ARMC12: variants seen among roughly 807,000 people sequenced by gnomAD.
ARMC12 encodes the protein armadillo repeat containing 12, also known as armadillo repeat-containing protein 12.
A neutral mutation model predicts 37.4 loss-of-function variants in ARMC12; 25 were observed. The ratio of observed to expected loss-of-function variants is 0.67; its 90% CI spans 0.49 to 0.93. The LOEUF (loss-of-function observed/expected upper bound fraction) is 0.93. Ranked by LOEUF, ARMC12 falls within the 40% of genes least tolerant of loss-of-function variation. The probability of loss-of-function intolerance (pLI) is 0.00; values close to 1 mark genes in which losing one functional copy is unlikely to be tolerated. For missense variants in ARMC12, 384 were observed against 426.6 expected (o/e 0.90, Z 0.88); for synonymous variants, 167 against 176.1 (o/e 0.95, Z 0.41).
chr6:35,740,651 C>T (rs114498464), intron 3 of ARMC12, among the ~76,000 whole-genome samples: 3 of 152,198 alleles, frequency 2.0e-5, no homozygotes, highest in South Asian at 4.1e-4. Flanking sequence ...CTGCCTCCCC[C>T]ACCAGAGGCA....
At chr6:35,738,267 T>A in intron 2 of ARMC12, 95 bp downstream of exon 2, 2 of 879,096 alleles carry the variant, frequency 2.3e-6, no homozygotes, top group Non-Finnish European at 3.4e-6. Flanking sequence ...TCCTGGGACC[T>A]CTCTCTGGCT....
chr6:35,746,428 T>C (rs1767339565), intron 3 of ARMC12, among the ~76,000 whole-genome samples: 1 of 152,142 alleles, frequency 6.6e-6, no homozygotes, highest in African/African-American at 2.4e-5. Flanking sequence ...GCAGATCACA[T>C]TGGACCGTAT....
At chr6:35,731,609 G>A in the ARMC12 span, among the ~76,000 whole-genome samples, 1 of 152,104 alleles carries the variant, frequency 6.6e-6, no homozygotes, top group Non-Finnish European at 1.5e-5. Context: ...GACCGTACTC[G>A]CCTCCCGCCG....
chr6:35,734,958 T>G (rs1766922761), upstream of ARMC12: 1 of 152,212 alleles, frequency 6.6e-6, no homozygotes, highest in Non-Finnish European at 1.5e-5. Flanking sequence ...CTGCCTCTAA[T>G]CTCTCTGAAT....
In ARMC12 at chr6:35,738,394, G is replaced by A. The variant is rs750296478; in HGVS notation, c.320G>A (p.Cys107Tyr). Residue 107 changes from cysteine to tyrosine, a missense_variant, in exon 3 of 6, where the codon TGT (cysteine) becomes TAT (tyrosine). Cys to Tyr is a radical substitution (Grantham distance 194). Coordinates refer to ENST00000373866, the MANE Select transcript of ARMC12 (RefSeq NM_001286574.2). ...VYLLEAEASA[C>Y]TTDDIVLLGY... ...TCCCCAATACTCCAGGCCTCTGCTT[G>A]TACTACGGATGACATCGTGTTGCTG... 2 of 1,612,774 alleles carry A rather than the reference G, an allele frequency of 1.2e-6. No homozygotes were observed. The highest frequency in any genetic ancestry group is 1.3e-5 in the African/African-American group (1 of 74,522).
intron 3 of ARMC12, among the ~76,000 whole-genome samples, chr6:35,739,107 G>A (rs910422017): frequency 6.6e-6 from 1 of 152,164 alleles, no homozygotes; most frequent in African/African-American, 2.4e-5. Context: ...CATAGGGCAG[G>A]GTGTCAGGGC....
At chr6:35,740,847 C>G (rs1767140560) in intron 3 of ARMC12, among the ~76,000 whole-genome samples, 1 of 151,522 alleles carries the variant, frequency 6.6e-6, no homozygotes, top group Non-Finnish European at 1.5e-5. Context: ...GCCTTTTCTC[C>G]CTGCTACGTG....
Position 35,747,364 on chromosome 6 carries a change from T to A in ARMC12, c.548T>A (p.Val183Glu). Residue 183 changes from valine to glutamate, a missense_variant, in exon 4 of 6, where the codon GTG becomes GAG. Transcript: ENST00000373866. ...LLNNLPLPDY[V>E]HPQLRRVMPA... Reference sequence around the variant, plus strand: ...AACAACCTTCCACTGCCCGACTATGTGCATCCACAGCTGCGACGGGTGATG... The same window carrying A: ...AACAACCTTCCACTGCCCGACTATGAGCATCCACAGCTGCGACGGGTGATG... The A allele has an allele frequency of 1.9e-6, 3 of 1,614,192 alleles. No individual in the cohort carries two copies.
Position 35,738,396 on chromosome 6 carries a change from A to G in ARMC12, c.322A>G (p.Thr108Ala), listed in dbSNP as rs747130733. The stretch of plus-strand genomic sequence containing the variant: ...CCCAATACTCCAGGCCTCTGCTTGT[A>G]CTACGGATGACATCGTGTTGCTGGG... ...YLLEAEASAC[T>A]TDDIVLLGYM... The change falls in exon 3 of 6, where the codon ACT becomes GCT. Residue 108 changes from threonine (T) to alanine (A), a missense_variant. Transcript: ENST00000373866. 1.2e-6 allele frequency: 2 copies of G among 1,612,602 alleles called. No individual in the cohort carries two copies. The highest frequency in any genetic ancestry group is 1.7e-6 in the Non-Finnish European group (2 of 1,179,850).
upstream of ARMC12, among the ~76,000 whole-genome samples, chr6:35,733,592 T>C (rs1380488438): frequency 6.6e-6 from 1 of 152,172 alleles, no homozygotes; most frequent in African/African-American, 2.4e-5. Context: ...CACTGCAACC[T>C]CCGCCTCCCG....
rs764621381 is a variant in ARMC12, at chr6:35,747,615, A to G, written c.658A>G (p.Asn220Asp). The G allele has an allele frequency of 6.2e-7, 1 of 1,614,252 alleles. No homozygotes were observed. Among genetic ancestry groups the G allele is most frequent in the South Asian group, 1.1e-5 (1 of 91,086 alleles). ...ACTGCTGAGCTACCTGGCACAGAAG[A>G]ATGACCTTCTCTATGACATTCTCAA... ...VRLLSYLAQK[N>D]DLLYDILNCQ... The change falls in exon 5 of 6, where the codon AAT (asparagine) becomes GAT (aspartate). Residue 220 changes from asparagine (N) to aspartate (D), a missense_variant. Coordinates refer to ENST00000373866, the MANE Select transcript of ARMC12 (RefSeq NM_001286574.2).
upstream of ARMC12, chr6:35,736,874 T>C (rs1766979658): frequency 1.7e-6 from 1 of 591,088 alleles, no homozygotes; most frequent in South Asian, 2.0e-5. Context: ...CCTCCCAAAG[T>C]GCTGGGATTA....
intron 1 of ARMC12, 142 bp downstream of exon 1, chr6:35,737,413 C>A: frequency 6.2e-7 from 1 of 1,601,716 alleles, no homozygotes; most frequent in Non-Finnish European, 8.5e-7. Flanking sequence ...TCAAGCCCAC[C>A]CTGCAGCGTC....
intron 3 of ARMC12, among the ~76,000 whole-genome samples, chr6:35,745,498 A>G (rs1205813322): frequency 2.6e-5 from 4 of 152,154 alleles, no homozygotes; most frequent in African/African-American, 9.7e-5. Context: ...GTGAGTCTAA[A>G]GGGGTCTCTT....
intron 3 of ARMC12, among the ~76,000 whole-genome samples, chr6:35,745,245 T>C (rs1460605262): frequency 6.6e-6 from 1 of 152,120 alleles, no homozygotes; most frequent in African/African-American, 2.4e-5. Flanking sequence ...CGGTGAATGG[T>C]TAAACAAAAT....
chr6:35,748,431 T>C, intron 5 of ARMC12, 107 bp from the exon 6 acceptor site: 2 of 942,678 alleles, frequency 2.1e-6, no homozygotes, highest in Non-Finnish European at 2.9e-6. Flanking sequence ...TACTCGAGTC[T>C]GAAATTTAGG....
chr6:35,737,851 T>G, intron 1 of ARMC12, 176 bp from the exon 2 acceptor site: 3 of 750,222 alleles, frequency 4.0e-6, no homozygotes, highest in Non-Finnish European at 6.7e-6. Context: ...TTAGATAGGG[T>G]GCCCTTGTGC....
In ARMC12 at chr6:35,738,097, G is replaced by A. The variant is rs1195069697; in HGVS notation, c.234G>A (p.Glu78=). The change falls in exon 2 of 6, where the codon GAG becomes GAA. Residue 78 remains glutamate, a synonymous_variant. Coordinates refer to ENST00000373866, the MANE Select transcript of ARMC12 (RefSeq NM_001286574.2). ...GELRRLLNSL[E]CKQDEYAKSM... is the part of the protein sequence containing the mutation. ...TCCGGAGGCTCCTCAACTCTTTGGA[G>A]TGCAAACAGGATGAGTATGCCAAGA... is the stretch of plus-strand genomic sequence containing the variant. The A allele has an allele frequency of 6.2e-6, 10 of 1,614,078 alleles. No homozygotes were observed. Among genetic ancestry groups the A allele is most frequent in the Non-Finnish European group, 7.6e-6 (9 of 1,180,024 alleles).
upstream of ARMC12, among the ~76,000 whole-genome samples, chr6:35,733,568 G>A (rs775442486): frequency 6.6e-6 from 1 of 152,148 alleles, no homozygotes; most frequent in Non-Finnish European, 1.5e-5. Flanking sequence ...GAGTGCAGTC[G>A]TGCCATCTCG....
Sources: allele counts gnomAD v4.1 joint callset (sites outside exome capture counted in the v4.1 genomes callset), GRCh38; gene constraint gnomAD v4.1.1; transcripts MANE v1.5; gene names NCBI Gene and HGNC (gene_info 2026-07-23, HGNC 2026-07-21).